Variants in CFAP299 observed in about 807,000 individuals in gnomAD.
CFAP299 encodes the protein cilia- and flagella-associated protein 299.
In CFAP299, 21 loss-of-function variants were observed where a neutral mutation model predicts 27.0. That is an observed-to-expected ratio of 0.78 (90% CI 0.55 to 1.12). CFAP299 has a LOEUF of 1.12. Among genes scored for constraint, CFAP299 ranks in the 50% most tolerant of loss-of-function variants. CFAP299 has a pLI of 0.00. For missense variants in CFAP299, 310 were observed against 276.6 expected (o/e 1.12, Z -0.86); for synonymous variants, 104 against 98.1 (o/e 1.06, Z -0.36).
chr4:80,614,669 G>A (rs1169823257), intron 3 of CFAP299, among the ~76,000 whole-genome samples: 2 of 152,054 alleles, frequency 1.3e-5, no homozygotes, highest in East Asian at 3.8e-4. Context: ...TCCCTCTTTT[G>A]TTTCTTAAGT....
chr4:80,570,408 A>G (rs1405728430), intron 2 of CFAP299, among the ~76,000 whole-genome samples: 6 of 152,062 alleles, frequency 3.9e-5, no homozygotes. Flanking sequence ...GAATATATGA[A>G]ACACTCCTAC....
At chr4:80,402,667 A>G (rs1324876316) in intron 2 of CFAP299, among the ~76,000 whole-genome samples, 1 of 152,216 alleles carries the variant, frequency 6.6e-6, no homozygotes. Flanking sequence ...TGTACAACCA[A>G]TAAAAGGCAG....
chr4:80,323,616 C>T, the CFAP299 span, among the ~76,000 whole-genome samples: 1 of 152,048 alleles, frequency 6.6e-6, no homozygotes. Flanking sequence ...AATTGATTAA[C>T]ATATGGAGAA....
chr4:80,618,037 A>C (rs1034776467), intron 3 of CFAP299, among the ~76,000 whole-genome samples: 1 of 152,128 alleles, frequency 6.6e-6, no homozygotes, highest in Non-Finnish European at 1.5e-5. Context: ...TAAAAGAAAA[A>C]TTTGTGATGT....
At chr4:80,621,443 A>T (rs1414590474) in intron 3 of CFAP299, among the ~76,000 whole-genome samples, 2 of 152,110 alleles carry the variant, frequency 1.3e-5, no homozygotes, top group Non-Finnish European at 2.9e-5. Context: ...ACTCTTTTTC[A>T]TATGACAGTT....
intron 2 of CFAP299, among the ~76,000 whole-genome samples, chr4:80,378,390 G>A (rs1252102990): frequency 1.3e-5 from 2 of 151,586 alleles, no homozygotes; most frequent in African/African-American, 4.8e-5. Flanking sequence ...TAATTTGTAT[G>A]CTTTTATTAT....
At chr4:80,347,882 A>T (rs1430711969) in intron 1 of CFAP299, among the ~76,000 whole-genome samples, 1 of 152,190 alleles carries the variant, frequency 6.6e-6, no homozygotes, top group Non-Finnish European at 1.5e-5. Flanking sequence ...TTCAAACTAT[A>T]AGGCTACAGT....
At chr4:80,798,809 C>T (rs1272866639) in intron 3 of CFAP299, among the ~76,000 whole-genome samples, 1 of 151,942 alleles carries the variant, frequency 6.6e-6, no homozygotes, top group Non-Finnish European at 1.5e-5. Context: ...TGTATAGAGT[C>T]ACTAAACTAC....
chr4:80,669,374 A>G (rs1326652278), intron 3 of CFAP299, among the ~76,000 whole-genome samples: 2 of 151,414 alleles, frequency 1.3e-5, no homozygotes, highest in Non-Finnish European at 2.9e-5. Context: ...GCTGGTCTCG[A>G]ACTCCTGCCC....
At chr4:80,739,212 G>T (rs1260994129) in intron 3 of CFAP299, among the ~76,000 whole-genome samples, 1 of 152,074 alleles carries the variant, frequency 6.6e-6, no homozygotes, top group African/African-American at 2.4e-5. Flanking sequence ...CAGTTACAGT[G>T]TTATACTATT....
chr4:80,732,739 G>T (rs900044490), intron 3 of CFAP299, among the ~76,000 whole-genome samples: 4 of 152,046 alleles, frequency 2.6e-5, no homozygotes, highest in Non-Finnish European at 5.9e-5. Context: ...TATTTCTCTA[G>T]ATGTTGGGCT....
chr4:80,717,192 T>G lies in CFAP299; in HGVS notation c.333+134009T>G, dbSNP rs555482080. ...ACTATGAAAAAAATGTGATGAATAC[T>G]ATGATAGGGTAAACTAAGGTGGGGT... On this transcript the variant is annotated intron_variant, in intron 3 of 5. Transcript: ENST00000358105. Among the ~76,000 whole-genome samples, 88 of 152,214 alleles carry G rather than the reference T, an allele frequency of 5.8e-4. 1 individual carries two copies. Among genetic ancestry groups the G allele is most frequent in the African/African-American group, 1.9e-3 (81 of 41,560 alleles).
chr4:80,862,325 G>A (rs2131473), intron 3 of CFAP299, among the ~76,000 whole-genome samples: 17,875 of 151,920 alleles, frequency 0.12, 1,184 homozygotes, highest in Middle Eastern at 0.23. Context: ...AGCCAAAATC[G>A]TGCCACTGCA....
At chr4:80,951,305 T>G (rs938370732) in intron 5 of CFAP299, among the ~76,000 whole-genome samples, 2 of 152,190 alleles carry the variant, frequency 1.3e-5, no homozygotes, top group Non-Finnish European at 1.5e-5. Flanking sequence ...TAAAACTTTC[T>G]GGATCCATGC....
At chr4:80,868,903 C>CTGTGTG (rs1400000607) in intron 3 of CFAP299, among the ~76,000 whole-genome samples, 5 of 131,992 alleles carry the variant, frequency 3.8e-5, no homozygotes, top group African/African-American at 1.3e-4. Flanking sequence ...GGGCTTCTCT[C>CTGTGTG]TCTGTGTGTG....
chr4:80,446,145 G>A (rs1414827350), intron 2 of CFAP299, among the ~76,000 whole-genome samples: 1 of 152,216 alleles, frequency 6.6e-6, no homozygotes, highest in African/African-American at 2.4e-5. Context: ...TCAGGACTGG[G>A]AAGAGGAAAA....
intron 4 of CFAP299, among the ~76,000 whole-genome samples, chr4:80,879,894 A>G (rs1426143054): frequency 6.6e-6 from 1 of 152,194 alleles, no homozygotes; most frequent in Non-Finnish European, 1.5e-5. Context: ...TGAAAAGTCA[A>G]GTCAGTCAGA....
chr4:80,712,058 G>C (rs1002979867), intron 3 of CFAP299, among the ~76,000 whole-genome samples: 1 of 152,148 alleles, frequency 6.6e-6, no homozygotes, highest in Admixed American at 6.5e-5. Context: ...GTACTGCCAA[G>C]TGCACGTATC....
At chr4:80,411,667 G>C (rs937178679) in intron 2 of CFAP299, among the ~76,000 whole-genome samples, 1 of 151,392 alleles carries the variant, frequency 6.6e-6, no homozygotes, top group African/African-American at 2.4e-5. Context: ...CCATTTTTTT[G>C]TTATTGTTTT....
Sources: gnomAD v4.1 joint callset for allele counts (sites outside exome capture counted in the v4.1 genomes callset) on GRCh38, gnomAD v4.1.1 for gene constraint, MANE v1.5 for transcripts, NCBI Gene and HGNC (gene_info 2026-07-23, HGNC 2026-07-21) for gene names.